TENM3: variants seen among roughly 807,000 people sequenced by gnomAD.
TENM3 encodes the protein teneurin-3.
A neutral mutation model predicts 255.1 loss-of-function variants in TENM3; 63 were observed. The observed-to-expected ratio is 0.25, with a 90% CI of 0.20 to 0.30. TENM3 has a LOEUF of 0.30. TENM3 is among the 10% of genes least tolerant of loss of function. The pLI, the probability that TENM3 is intolerant of heterozygous loss-of-function variation, is 1.00. For missense variants in TENM3, 2,929 were observed against 3,461.1 expected (o/e 0.85, Z 3.86); for synonymous variants, 1,306 against 1,322.3 (o/e 0.99, Z 0.27).
intron 1 of TENM3, among the ~76,000 whole-genome samples, chr4:182,321,035 A>G (rs908677150): frequency 2.6e-5 from 4 of 152,226 alleles, no homozygotes; most frequent in African/African-American, 9.6e-5. Flanking sequence ...ATGACTTCAA[A>G]TCCCGAATCT....
chr4:182,100,622 C>CACACATATATAT, the TENM3 span, among the ~76,000 whole-genome samples: 24,350 of 51,354 alleles, frequency 0.47, 8,163 homozygotes, highest in Admixed American at 0.6. Context: ...CATATATATA[C>CACACATATATAT]ACACACATAT....
At chr4:182,509,202 A>G (rs887029635) in intron 3 of TENM3, among the ~76,000 whole-genome samples, 1 of 152,168 alleles carries the variant, frequency 6.6e-6, no homozygotes, top group Non-Finnish European at 1.5e-5. Context: ...TTTAATGAAA[A>G]TTACCTTTGC....
chr4:181,705,190 GA>G, the TENM3 span, among the ~76,000 whole-genome samples: 1 of 152,094 alleles, frequency 6.6e-6, no homozygotes, highest in Non-Finnish European at 1.5e-5. Context: ...AGAACTATAA[GA>G]AAAAGCACAA....
chr4:181,473,749 T>G, the TENM3 span, among the ~76,000 whole-genome samples: 1 of 136,694 alleles, frequency 7.3e-6, no homozygotes. Flanking sequence ...AAAATTGTAA[T>G]TATATAATTA....
chr4:181,704,593 G>A, the TENM3 span, among the ~76,000 whole-genome samples: 3 of 151,904 alleles, frequency 2.0e-5, no homozygotes, highest in African/African-American at 4.8e-5. Context: ...AAATCATAAC[G>A]GATGGACCCA....
chr4:182,675,022 G>A (rs1315567577), intron 7 of TENM3, among the ~76,000 whole-genome samples: 12 of 151,892 alleles, frequency 7.9e-5, no homozygotes, highest in South Asian at 2.1e-4. Flanking sequence ...GATTACAGGC[G>A]TGCACCACTA....
In TENM3 at chr4:182,796,763, T is replaced by C. The variant is rs754118809; in HGVS notation, c.7340T>C (p.Ile2447Thr). ...GTGAAGAGTCAGCAGTGGGATGATATACCGGTAAGAAACAAAAAGACCTAC... is the reference window on the plus strand; with the variant it reads ...GTGAAGAGTCAGCAGTGGGATGATACACCGGTAAGAAACAAAAAGACCTAC... ...ELVKSQQWDD[I>T]PPIFGVQQQV... The change falls in exon 27 of 28, where the codon ATA becomes ACA. Residue 2447 changes from isoleucine (I) to threonine (T), a missense_variant. Physicochemically the swap from Ile to Thr is moderately conservative, Grantham distance 89. This residue lies in a region of TENM3 where 476 missense variants were observed against 480.1 expected (regional missense o/e 0.99). Transcript: ENST00000511685. 22 of 1,604,924 alleles carry C rather than the reference T, an allele frequency of 1.4e-5. No homozygotes were observed. The highest frequency in any genetic ancestry group is 1.8e-5 in the Non-Finnish European group (21 of 1,175,390).
intron 1 of TENM3, among the ~76,000 whole-genome samples, chr4:182,272,708 C>T (rs1254598183): frequency 2.0e-5 from 3 of 152,106 alleles, no homozygotes; most frequent in East Asian, 1.9e-4. Flanking sequence ...GGGGCTCTGA[C>T]GGTGAAGAAG....
At chr4:182,346,985 G>C (rs1764862708) in intron 3 of TENM3, 56 bp downstream of exon 3, 2 of 1,220,292 alleles carry the variant, frequency 1.6e-6, no homozygotes, top group African/African-American at 2.4e-5. Flanking sequence ...GTCTGTTTTG[G>C]TTGACTCCGC....
chr4:182,557,976 GT>G (rs201069670), intron 3 of TENM3, among the ~76,000 whole-genome samples: 1 of 152,228 alleles, frequency 6.6e-6, no homozygotes, highest in East Asian at 1.9e-4. Flanking sequence ...GATTGATTCC[GT>G]TTCTTTGGAG....
chr4:181,616,432 A>T, the TENM3 span, among the ~76,000 whole-genome samples: 1,707 of 148,492 alleles, frequency 0.011, 40 homozygotes, highest in African/African-American at 0.04. Flanking sequence ...GTATACTCAT[A>T]TATATATCCT....
chr4:182,748,390 C>T (rs1762151925), intron 19 of TENM3, among the ~76,000 whole-genome samples: 1 of 152,166 alleles, frequency 6.6e-6, no homozygotes, highest in African/African-American at 2.4e-5. Flanking sequence ...CCGGTTCCGT[C>T]GTGGTAGCCT....
At chr4:181,747,136 A>T in the TENM3 span, among the ~76,000 whole-genome samples, 2 of 152,114 alleles carry the variant, frequency 1.3e-5, no homozygotes, top group Non-Finnish European at 2.9e-5. Context: ...ACCAACAGCA[A>T]AAGAGAGACT....
intron 3 of TENM3, among the ~76,000 whole-genome samples, chr4:182,391,414 C>T (rs1768413970): frequency 1.3e-5 from 2 of 152,178 alleles, no homozygotes; most frequent in South Asian, 2.1e-4. Context: ...ATCAAAGTTA[C>T]TGAGCGCTCA....
At chr4:181,801,469 G>A in the TENM3 span, among the ~76,000 whole-genome samples, 3 of 151,880 alleles carry the variant, frequency 2.0e-5, no homozygotes, top group African/African-American at 7.3e-5. Flanking sequence ...TCTCCAGGTG[G>A]TGAACCCGAG....
the TENM3 span, among the ~76,000 whole-genome samples, chr4:181,605,482 GAAAGAA>G: frequency 1.5e-4 from 1 of 6,834 alleles, no homozygotes; most frequent in Non-Finnish European, 3.1e-4. Flanking sequence ...GAGAAACAGA[GAAAGAA>G]AGAAAGAAAG....
intron 1 of TENM3, among the ~76,000 whole-genome samples, chr4:182,210,653 ATCT>A (rs1754964176): frequency 1.4e-5 from 2 of 141,226 alleles, no homozygotes; most frequent in Admixed American, 1.5e-4. Context: ...TGTCATATTA[ATCT>A]TCTCAAAACT....
At chr4:182,212,579 G>T (rs1462405421) in intron 1 of TENM3, among the ~76,000 whole-genome samples, 1 of 151,978 alleles carries the variant, frequency 6.6e-6, no homozygotes, top group African/African-American at 2.4e-5. Context: ...CACTTAGCCA[G>T]TGCTTCCTTT....
chr4:181,605,524 A>T, the TENM3 span, among the ~76,000 whole-genome samples: 305 of 22,514 alleles, frequency 0.014, 37 homozygotes, highest in Admixed American at 0.026. Context: ...GAAAGAAAGA[A>T]AGAAAGAAAG....
Sources: allele counts gnomAD v4.1 joint callset (sites outside exome capture counted in the v4.1 genomes callset), GRCh38; gene constraint gnomAD v4.1.1; regional missense constraint gnomAD v4.1.1; transcripts MANE v1.5; gene names NCBI Gene and HGNC (gene_info 2026-07-23, HGNC 2026-07-21).